The following DGKB variants were observed in gnomAD, a reference collection of about 807,000 sequenced individuals.
The protein encoded by DGKB is diacylglycerol kinase beta.
DGKB carries 67 observed loss-of-function variants against 114.3 expected under a neutral mutation model. The ratio of observed to expected loss-of-function variants is 0.59; its 90% CI spans 0.48 to 0.72. The LOEUF (loss-of-function observed/expected upper bound fraction) is 0.72, where lower values mean the gene tolerates loss of function less well. Among genes scored for constraint, DGKB ranks in the 30% least tolerant of loss-of-function variants. The pLI is 0.00. For missense variants in DGKB, 907 were observed against 975.2 expected (o/e 0.93, Z 0.93); for synonymous variants, 398 against 323.1 (o/e 1.23, Z -2.49).
At chr7:14,940,442 G>A (rs73058972) in intron 1 of DGKB, among the ~76,000 whole-genome samples, 2 of 151,546 alleles carry the variant, frequency 1.3e-5, no homozygotes. Flanking sequence ...GAGAAGAACA[G>A]AATTCTTTTT....
At chr7:14,424,482 A>T (rs892808171) in intron 21 of DGKB, among the ~76,000 whole-genome samples, 2 of 151,982 alleles carry the variant, frequency 1.3e-5, no homozygotes, top group African/African-American at 4.8e-5. Flanking sequence ...AGTTAGGTCT[A>T]TCACTCTCTG....
intron 15 of DGKB, among the ~76,000 whole-genome samples, chr7:14,619,918 T>C (rs1178860245): frequency 6.6e-6 from 1 of 151,690 alleles, no homozygotes; most frequent in African/African-American, 2.4e-5. Context: ...AGTATGTGCC[T>C]AGTCATGTGA....
intron 20 of DGKB, among the ~76,000 whole-genome samples, chr7:14,487,493 TA>T (rs1311338398): frequency 6.6e-6 from 1 of 152,080 alleles, no homozygotes; most frequent in Non-Finnish European, 1.5e-5. Flanking sequence ...AACTTTAAGT[TA>T]ATCATTGTAA....
chr7:14,654,118 T>A (rs994270948), intron 13 of DGKB, among the ~76,000 whole-genome samples: 1 of 152,000 alleles, frequency 6.6e-6, no homozygotes, highest in African/African-American at 2.4e-5. Context: ...AATGAGATAA[T>A]CTTACATATA....
At chr7:14,794,519 A>G (rs920519933) in intron 2 of DGKB, among the ~76,000 whole-genome samples, 2 of 152,162 alleles carry the variant, frequency 1.3e-5, no homozygotes, top group African/African-American at 4.8e-5. Context: ...AAAGAAAAAC[A>G]TAAGCTAAGG....
At chr7:14,801,269 G>A (rs1037255035) in intron 2 of DGKB, among the ~76,000 whole-genome samples, 1 of 152,126 alleles carries the variant, frequency 6.6e-6, no homozygotes, top group Non-Finnish European at 1.5e-5. Flanking sequence ...CAGGATAGTT[G>A]CATCATGTTA....
intron 23 of DGKB, among the ~76,000 whole-genome samples, chr7:14,258,234 T>A (rs1168970140): frequency 1.3e-5 from 2 of 152,204 alleles, no homozygotes; most frequent in African/African-American, 4.8e-5. Flanking sequence ...CAAGTATGGT[T>A]GAATTTAATT....
At chr7:14,264,313 C>A (rs946563349) in intron 23 of DGKB, among the ~76,000 whole-genome samples, 2 of 152,088 alleles carry the variant, frequency 1.3e-5, no homozygotes, top group Non-Finnish European at 2.9e-5. Flanking sequence ...ATAGCCAAAC[C>A]ACACGCTTTC....
upstream of DGKB, among the ~76,000 whole-genome samples, chr7:14,905,121 C>A (rs1304523281): frequency 6.6e-6 from 1 of 151,854 alleles, no homozygotes; most frequent in Non-Finnish European, 1.5e-5. Flanking sequence ...TATTGAGAGA[C>A]ATAATTTATT....
intron 21 of DGKB, among the ~76,000 whole-genome samples, chr7:14,472,980 A>T (rs1261170865): frequency 6.6e-6 from 1 of 152,136 alleles, no homozygotes; most frequent in Non-Finnish European, 1.5e-5. Flanking sequence ...AGTTCGGAAA[A>T]TTTGCAGCCT....
At chr7:14,412,929 T>A (rs577908994) in intron 21 of DGKB, among the ~76,000 whole-genome samples, 1 of 151,058 alleles carries the variant, frequency 6.6e-6, no homozygotes, top group East Asian at 2.0e-4. Flanking sequence ...TGCAGTGAAC[T>A]GAGATCATGC....
chr7:14,541,107 C>T (rs1793361745), intron 20 of DGKB, among the ~76,000 whole-genome samples: 1 of 151,382 alleles, frequency 6.6e-6, no homozygotes, highest in African/African-American at 2.4e-5. Flanking sequence ...TTGTTGGTCT[C>T]CTTTTTTTTT....
At chr7:14,623,150 G>T (rs1807951812) in intron 14 of DGKB, among the ~76,000 whole-genome samples, 1 of 152,102 alleles carries the variant, frequency 6.6e-6, no homozygotes, top group South Asian at 2.1e-4. Context: ...AGTTTTCTAA[G>T]TTCTTGAAGC....
intron 1 of DGKB, among the ~76,000 whole-genome samples, chr7:14,859,953 G>T (rs1032164981): frequency 6.6e-6 from 1 of 151,996 alleles, no homozygotes; most frequent in Non-Finnish European, 1.5e-5. Flanking sequence ...AAAAAGTTAG[G>T]CAATATGACC....
At chr7:14,307,159 T>C (rs1205821957) in intron 23 of DGKB, among the ~76,000 whole-genome samples, 1 of 152,182 alleles carries the variant, frequency 6.6e-6, no homozygotes, top group Non-Finnish European at 1.5e-5. Flanking sequence ...TAGTAGACAA[T>C]GGATAAATAA....
chr7:14,326,965 G>A (rs1231140599), intron 23 of DGKB, among the ~76,000 whole-genome samples: 1 of 151,994 alleles, frequency 6.6e-6, no homozygotes, highest in Non-Finnish European at 1.5e-5. Context: ...ACATATCTGA[G>A]TACTCACTAG....
rs539135968 is a variant in DGKB, at chr7:14,176,511, TAAAC to T, written c.2304+324_2304+327del. ...AATATTCTAATAATGTGCTCTGAAA[TAAAC>T]AAAAAAGTTTCAGATAAACTTTTAT... On this transcript the variant is annotated intron_variant, in intron 25 of 25. Coordinates refer to ENST00000402815, the MANE Select transcript of DGKB (RefSeq NM_001350709.2). 7.8e-4 allele frequency: 798 copies of T among 1,026,218 alleles called. 1 individual carries two copies. In the African/African-American group the frequency reaches 9.6e-3, roughly 12 times the overall value. 63.6% of individuals were successfully genotyped at this position (1,026,218 alleles called of 1,614,324 possible). A position where few individuals can be genotyped will look rare whatever the true frequency, so the allele number is the denominator to read the frequency against.
intron 21 of DGKB, among the ~76,000 whole-genome samples, chr7:14,369,495 C>T (rs1817263236): frequency 6.6e-6 from 1 of 152,182 alleles, no homozygotes; most frequent in African/African-American, 2.4e-5. Flanking sequence ...GGAATTGCCA[C>T]ATTGTCTTCC....
chr7:14,894,200 T>G (rs989980004), intron 1 of DGKB, among the ~76,000 whole-genome samples: 2 of 151,456 alleles, frequency 1.3e-5, no homozygotes, highest in African/African-American at 4.8e-5. Flanking sequence ...AATAAAAAAC[T>G]GTTCAACTTT....
Sources: gnomAD v4.1 joint callset for allele counts (sites outside exome capture counted in the v4.1 genomes callset) on GRCh38, gnomAD v4.1.1 for gene constraint, MANE v1.5 for transcripts, NCBI Gene and HGNC (gene_info 2026-07-23, HGNC 2026-07-21) for gene names.